The following LOC400499 variants were observed in gnomAD, a reference collection of about 807,000 sequenced individuals.
chr16:11,446,725 G>C, the LOC400499 span: 1 of 1,534,088 alleles, frequency 6.5e-7, no homozygotes, highest in Non-Finnish European at 8.7e-7. Flanking sequence ...GCCCCTTCCG[G>C]GCTATGCCCC....
At chr16:11,404,120 C>T in the LOC400499 span, among the ~76,000 whole-genome samples, 3 of 152,224 alleles carry the variant, frequency 2.0e-5, no homozygotes, top group African/African-American at 7.2e-5. Context: ...CAGAAGTCAC[C>T]TCCTCCAAGA....
chr16:11,498,178 A>G, the LOC400499 span, among the ~76,000 whole-genome samples: 1 of 152,210 alleles, frequency 6.6e-6, no homozygotes, highest in Admixed American at 6.5e-5. Flanking sequence ...ACTTTTGTTC[A>G]TTGAAAGACA....
chr16:11,487,944 T>G, the LOC400499 span, among the ~76,000 whole-genome samples: 1 of 151,878 alleles, frequency 6.6e-6, no homozygotes, highest in Non-Finnish European at 1.5e-5. Flanking sequence ...TGAAACCCCA[T>G]CTCCACTAAT....
chr16:11,397,407 A>G, the LOC400499 span, among the ~76,000 whole-genome samples: 2 of 152,048 alleles, frequency 1.3e-5, no homozygotes, highest in Non-Finnish European at 2.9e-5. Context: ...CTGAGTAGCT[A>G]GGACTACAGG....
chr16:11,467,302 TA>T, the LOC400499 span: 58,916 of 136,894 alleles, frequency 0.43, 12,669 homozygotes, highest in Non-Finnish European at 0.5. Flanking sequence ...CTCACAGAGT[TA>T]AAAAAAAAAA....
the LOC400499 span, among the ~76,000 whole-genome samples, chr16:11,497,682 G>A: frequency 6.6e-6 from 1 of 152,120 alleles, no homozygotes; most frequent in African/African-American, 2.4e-5. Flanking sequence ...CATGAGGCCT[G>A]GGTGCTGAGC....
At chr16:11,392,354 G>A in the LOC400499 span, 8 of 398,876 alleles carry the variant, frequency 2.0e-5, no homozygotes, top group Non-Finnish European at 3.5e-5. Context: ...GCAGCCGCGC[G>A]CGGCCAGCAG....
At chr16:11,512,756 A>G in the LOC400499 span, among the ~76,000 whole-genome samples, 1 of 152,166 alleles carries the variant, frequency 6.6e-6, no homozygotes, top group Non-Finnish European at 1.5e-5. Context: ...AGGAAAAAAA[A>G]AGAAATCTCA....
the LOC400499 span, among the ~76,000 whole-genome samples, chr16:11,402,490 G>A: frequency 1.3e-5 from 2 of 152,142 alleles, no homozygotes; most frequent in Non-Finnish European, 2.9e-5. Context: ...TTGACCGAGT[G>A]CCAGTTCTAA....
chr16:11,415,534 G>T, the LOC400499 span, among the ~76,000 whole-genome samples: 1 of 152,218 alleles, frequency 6.6e-6, no homozygotes, highest in East Asian at 1.9e-4. Context: ...CATGCAGGTG[G>T]CCTCAGGAAA....
chr16:11,427,518 C>T, the LOC400499 span, among the ~76,000 whole-genome samples: 16 of 151,968 alleles, frequency 1.1e-4, no homozygotes, highest in Admixed American at 6.6e-5. Context: ...AATCATGGCT[C>T]ACTGCAATGT....
chr16:11,478,905 T>C, the LOC400499 span, among the ~76,000 whole-genome samples: 1 of 152,142 alleles, frequency 6.6e-6, no homozygotes, highest in Admixed American at 6.5e-5. Context: ...GTTTTAAAAA[T>C]GGGGGTTTCT....
the LOC400499 span, chr16:11,440,851 G>T: frequency 2.5e-6 from 1 of 399,086 alleles, no homozygotes. Context: ...CAGCTGGGAA[G>T]AAATAGACAA....
chr16:11,428,176 GTTTAT>G, the LOC400499 span, among the ~76,000 whole-genome samples: 20 of 152,038 alleles, frequency 1.3e-4, no homozygotes, highest in South Asian at 6.2e-4. Flanking sequence ...TCCCCTTTGT[GTTTAT>G]TTTATTTTTT....
the LOC400499 span, among the ~76,000 whole-genome samples, chr16:11,518,678 C>G: frequency 2.0e-5 from 3 of 152,142 alleles, no homozygotes; most frequent in African/African-American, 7.2e-5. Flanking sequence ...AGGCAGCCCC[C>G]CAGCGGTCTT....
chr16:11,514,005 T>A, the LOC400499 span, among the ~76,000 whole-genome samples: 97 of 152,304 alleles, frequency 6.4e-4, no homozygotes, highest in East Asian at 0.016. Context: ...GGGAATGCTA[T>A]GTGTTAGCAG....
At chr16:11,424,184 G>A in the LOC400499 span, 2 of 399,308 alleles carry the variant, frequency 5.0e-6, no homozygotes. Flanking sequence ...GGGTGTGACG[G>A]AGGCTGGCAT....
At chr16:11,390,708 AC>A in the LOC400499 span, among the ~76,000 whole-genome samples, 1 of 152,294 alleles carries the variant, frequency 6.6e-6, no homozygotes, top group African/African-American at 2.4e-5. Context: ...GAGGGTTCCC[AC>A]CAGTCCTAGA....
At chr16:11,507,423 A>T in the LOC400499 span, among the ~76,000 whole-genome samples, 1 of 151,984 alleles carries the variant, frequency 6.6e-6, no homozygotes, top group South Asian at 2.1e-4. Flanking sequence ...AGGGCGAGAA[A>T]CCCTGCTTTG....
Sources: gnomAD v4.1 joint callset for allele counts (sites outside exome capture counted in the v4.1 genomes callset) on GRCh38, gnomAD v4.1.1 for gene constraint, MANE v1.5 for transcripts.